MASTL: variants seen among roughly 807,000 people sequenced by gnomAD.
MASTL encodes microtubule associated serine/threonine kinase like.
A neutral mutation model predicts 82.5 loss-of-function variants in MASTL; 54 were observed. The observed-to-expected ratio is 0.65, with a 90% CI of 0.53 to 0.82. The LOEUF is 0.82. Ranked by LOEUF, MASTL falls within the 40% of genes least tolerant of loss-of-function variation. The pLI is 0.00. For synonymous variants in MASTL, 323 were observed against 368.9 expected (o/e 0.88, Z 1.43); for missense variants, 950 against 1,047.8 (o/e 0.91, Z 1.29).
intron 4 of MASTL, among the ~76,000 whole-genome samples, chr10:27,161,808 T>G (rs2135989372): frequency 6.6e-6 from 1 of 152,296 alleles, no homozygotes; most frequent in Admixed American, 6.5e-5. Context: ...TGAAATTGAT[T>G]CTTACCAATT....
In MASTL at chr10:27,181,189, A is replaced by C. The variant is rs1433121736; in HGVS notation, c.2380+123A>C. 6 of 730,142 alleles carry C rather than the reference A, an allele frequency of 8.2e-6. No individual in the cohort carries two copies. In the South Asian group the frequency reaches 8.7e-5, roughly 11 times the overall value. The allele number at this position is 730,142 out of a possible 1,614,324, so 45.2% of individuals were successfully genotyped here. A position where few individuals can be genotyped will look rare whatever the true frequency, so the allele number is the denominator to read the frequency against. On this transcript the variant is annotated intron_variant, in intron 10 of 11. Transcript: ENST00000375940. ...CGCCTGAGGTCAGGAGTTCGAGACC[A>C]GCCTGGCCAACATGGTAAAACCCCA...
chr10:27,156,602 C>G (rs914421039), intron 1 of MASTL, among the ~76,000 whole-genome samples: 1 of 152,000 alleles, frequency 6.6e-6, no homozygotes, highest in African/African-American at 2.4e-5. Flanking sequence ...TGGGTTCAAG[C>G]GATTCTCCTG....
At chr10:27,160,159 CTTTTTTTTTTTT>C (rs58196933) in intron 3 of MASTL, among the ~76,000 whole-genome samples, 1 of 40,574 alleles carries the variant, frequency 2.5e-5, no homozygotes. Context: ...TTACTCTTGG[CTTTTTTTTTTTT>C]TTTTTTTTTT....
chr10:27,168,122 G>T (rs1354590287), intron 7 of MASTL, among the ~76,000 whole-genome samples: 1 of 152,034 alleles, frequency 6.6e-6, no homozygotes, highest in Non-Finnish European at 1.5e-5. Context: ...GATTCTATTT[G>T]CTGCTTATTC....
In MASTL at chr10:27,155,431, A is replaced by C. The variant is rs1359625034; in HGVS notation, c.5A>C (p.Asp2Ala). The C allele has an allele frequency of 6.2e-7, 1 of 1,609,146 alleles. No homozygotes were observed. The highest frequency in any genetic ancestry group is 8.5e-7 in the Non-Finnish European group (1 of 1,178,328). The change falls in exon 1 of 12, where the codon GAT becomes GCT. Residue 2 changes from aspartate (D) to alanine (A), a missense_variant. Physicochemically the swap from Asp to Ala is moderately radical, Grantham distance 126. Coordinates refer to ENST00000375940, the MANE Select transcript of MASTL (RefSeq NM_001172303.3). Reference sequence around the variant, plus strand: ...GCCGCTGTATGCTGTCCAGCGATGGATCCCACCGCGGGAAGCAAGAAGGAG... The same window carrying C: ...GCCGCTGTATGCTGTCCAGCGATGGCTCCCACCGCGGGAAGCAAGAAGGAG... M[D>A]PTAGSKKEPG...
chr10:27,171,817 A>G (rs992755034), intron 8 of MASTL, among the ~76,000 whole-genome samples: 6 of 129,868 alleles, frequency 4.6e-5, no homozygotes, highest in African/African-American at 1.8e-4. Context: ...AAGTTGAAAA[A>G]TATGTTTCTT....
chr10:27,181,347 C>T (rs1043302717), intron 10 of MASTL, 133 bp from the exon 11 acceptor site: 45 of 696,932 alleles, frequency 6.5e-5, no homozygotes, highest in African/African-American at 4.3e-4. Context: ...GCTGAGATCA[C>T]GCTTTTGCAC....
In MASTL at chr10:27,186,706, T is replaced by A. The variant is rs932508454; in HGVS notation, c.*170T>A. On this transcript the variant is annotated 3_prime_UTR_variant, in exon 12 of 12. Coordinates refer to ENST00000375940, the MANE Select transcript of MASTL (RefSeq NM_001172303.3). ...CAGAGTTAAAAGGCTGAAAGGAATATAGTCAGTAATTTATCTTAACCTCAA... is the reference window on the plus strand; with the variant it reads ...CAGAGTTAAAAGGCTGAAAGGAATAAAGTCAGTAATTTATCTTAACCTCAA... 13 of 649,616 alleles carry A rather than the reference T, an allele frequency of 2.0e-5. No individual in the cohort carries two copies. The highest frequency in any genetic ancestry group is 3.5e-5 in the Non-Finnish European group (13 of 369,792). 40.2% of individuals were successfully genotyped at this position (649,616 alleles called of 1,614,324 possible). A position where few individuals can be genotyped will look rare whatever the true frequency, so the allele number is the denominator to read the frequency against.
intron 8 of MASTL, among the ~76,000 whole-genome samples, chr10:27,171,779 T>A (rs1442975120): frequency 6.6e-6 from 1 of 151,448 alleles, no homozygotes; most frequent in Non-Finnish European, 1.5e-5. Context: ...CAAGGACATA[T>A]TTAGATGATC....
intron 7 of MASTL, among the ~76,000 whole-genome samples, chr10:27,168,783 C>T (rs1046970683): frequency 6.6e-6 from 1 of 152,176 alleles, no homozygotes; most frequent in African/African-American, 2.4e-5. Flanking sequence ...TGCCTCCAGA[C>T]TGGGCAACGA....
At chr10:27,177,527 C>G (rs1226718129) in intron 9 of MASTL, among the ~76,000 whole-genome samples, 1 of 152,212 alleles carries the variant, frequency 6.6e-6, no homozygotes, top group Non-Finnish European at 1.5e-5. Flanking sequence ...GATGCCCCTC[C>G]ATCTTGCCTC....
chr10:27,181,201 A>G (rs1398544493), intron 10 of MASTL, 135 bp downstream of exon 10: 2 of 697,404 alleles, frequency 2.9e-6, no homozygotes, highest in Non-Finnish European at 5.1e-6. Flanking sequence ...CCTGGCCAAC[A>G]TGGTAAAACC....
At chr10:27,181,833 G>C (rs143986527) in intron 11 of MASTL, among the ~76,000 whole-genome samples, 1,838 of 152,216 alleles carry the variant, frequency 0.012, 22 homozygotes, top group South Asian at 0.034. Flanking sequence ...CAAGCACTCT[G>C]GTAGGCCGAG....
chr10:27,168,837 C>T (rs1202082175), intron 7 of MASTL, among the ~76,000 whole-genome samples: 4 of 152,218 alleles, frequency 2.6e-5, no homozygotes, highest in Non-Finnish European at 5.9e-5. Context: ...TTGCTTGAGA[C>T]TAAATGCTCA....
At position 27,165,418 on chromosome 10, in the gene MASTL, C is replaced by A; in HGVS notation, c.690C>A (p.Asp230Glu). The change falls in exon 6 of 12, where the codon GAC (aspartate) becomes GAA (glutamate). Residue 230 changes from aspartate to glutamate, a missense_variant. By Grantham distance (45) the Asp-to-Glu change is conservative. Coordinates refer to ENST00000375940, the MANE Select transcript of MASTL (RefSeq NM_001172303.3). Reference sequence around the variant, plus strand: ...CACCAATTGCAGAAAAAAATCAAGACCCTGCAAACATCCTTTCAGCCTGTC... The same window carrying A: ...CACCAATTGCAGAAAAAAATCAAGAACCTGCAAACATCCTTTCAGCCTGTC... ...FNTPIAEKNQ[D>E]PANILSACLS... The A allele has an allele frequency of 6.2e-7, 1 of 1,613,956 alleles. No homozygotes were observed. Among genetic ancestry groups the A allele is most frequent in the African/African-American group, 1.3e-5 (1 of 75,018 alleles).
At chr10:27,183,848 A>C (rs1235391994) in intron 11 of MASTL, among the ~76,000 whole-genome samples, 1 of 152,046 alleles carries the variant, frequency 6.6e-6, no homozygotes, top group Non-Finnish European at 1.5e-5. Flanking sequence ...AGTAGCTGGT[A>C]CTACTGGTGC....
intron 1 of MASTL, among the ~76,000 whole-genome samples, chr10:27,156,963 G>C (rs755566195): frequency 6.6e-6 from 1 of 150,896 alleles, no homozygotes; most frequent in Non-Finnish European, 1.5e-5. Flanking sequence ...CACCACACCG[G>C]GCTAATTTTT....
rs1305208979 is a variant in MASTL at position 27,165,418 on chromosome 10, C to G, written c.690C>G (p.Asp230Glu). ...CACCAATTGCAGAAAAAAATCAAGA[C>G]CCTGCAAACATCCTTTCAGCCTGTC... ...FNTPIAEKNQ[D>E]PANILSACLS... Residue 230 changes from aspartate to glutamate, a missense_variant, in exon 6 of 12, where the codon GAC becomes GAG. Transcript: ENST00000375940. 1 of 1,613,838 alleles carries G rather than the reference C, an allele frequency of 6.2e-7. No individual in the cohort carries two copies. The highest frequency in any genetic ancestry group is 8.5e-7 in the Non-Finnish European group (1 of 1,179,976).
Position 27,186,935 on chromosome 10 carries a change from A to C in MASTL, c.*399A>C, listed in dbSNP as rs2058794663. 2 of 242,328 alleles carry C rather than the reference A, an allele frequency of 8.3e-6. No homozygotes were observed. The highest frequency in any genetic ancestry group is 1.6e-5 in the Non-Finnish European group (2 of 122,980). 15.0% of individuals were successfully genotyped at this position (242,328 alleles called of 1,614,324 possible). The stretch of plus-strand genomic sequence containing the variant: ...ATACAGTTCCATTTGATTGTAATTT[A>C]CTTGCATATGATTACCTTCAAAAGC... On this transcript the variant is annotated 3_prime_UTR_variant, in exon 12 of 12. Transcript: ENST00000375940.
Sources: allele counts gnomAD v4.1 joint callset (sites outside exome capture counted in the v4.1 genomes callset), GRCh38; gene constraint gnomAD v4.1.1; transcripts MANE v1.5; gene names NCBI Gene and HGNC (gene_info 2026-07-23, HGNC 2026-07-21).